The following SERPINA1 variants were observed in gnomAD, a reference collection of about 807,000 sequenced individuals.
The protein encoded by SERPINA1 is serpin family A member 1.
Under a neutral mutation model 25.4 loss-of-function variants are expected in SERPINA1, and 21 were observed. The ratio of observed to expected loss-of-function variants is 0.83; its 90% CI spans 0.59 to 1.19. The LOEUF is 1.19. Among genes scored for constraint, SERPINA1 ranks in the 50% most tolerant of loss-of-function variants. The pLI is 0.00. For synonymous variants in SERPINA1, 218 were observed against 211.1 expected (o/e 1.03, Z -0.29); for missense variants, 546 against 509.0 (o/e 1.07, Z -0.70).
At position 94,380,894 on chromosome 14, in the gene SERPINA1, C is replaced by A. The variant is rs957169128; in HGVS notation, c.894G>T (p.Lys298Asn). The change falls in exon 3 of 5, where the codon AAG becomes AAT. Residue 298 changes from lysine to asparagine, a missense_variant. Lys to Asn is a moderately conservative substitution (Grantham distance 94). Coordinates refer to ENST00000393087, the MANE Select transcript of SERPINA1 (RefSeq NM_000295.5). ...ACCTTCTGTCTTCATTTTCCAGGAACTTGGTGATGATATCGTGGGTGAGTT... is the reference window on the plus strand; with the variant it reads ...ACCTTCTGTCTTCATTTTCCAGGAAATTGGTGATGATATCGTGGGTGAGTT... ...ENELTHDIIT[K>N]FLENEDRRSA... 10 of 1,614,074 alleles carry A rather than the reference C, an allele frequency of 6.2e-6. No homozygotes were observed. The Admixed American group carries it at 8.3e-5, about 13-fold the overall frequency.
At chr14:94,388,133 C>T (rs1302813315) in intron 1 of SERPINA1, among the ~76,000 whole-genome samples, 2 of 152,072 alleles carry the variant, frequency 1.3e-5, no homozygotes, top group South Asian at 2.1e-4. Context: ...CATGCCCAAG[C>T]AGTAGGAGAG....
At position 94,383,090 on chromosome 14, in the gene SERPINA1, T is replaced by C. The variant is rs963967922; in HGVS notation, c.148A>G (p.Ile50Val). 2 of 1,613,998 alleles carry C rather than the reference T, an allele frequency of 1.2e-6. No homozygotes were observed. Among genetic ancestry groups the C allele is most frequent in the Non-Finnish European group, 1.7e-6 (2 of 1,180,004 alleles). ...GCGAACTCAGCCAGGTTGGGGGTGA[T>C]CTTGTTGAAGGTTGGGTGATCCTGA... Reference protein sequence around the residue: ...HDQDHPTFNKITPNLAEFAFS... With the variant: ...HDQDHPTFNKVTPNLAEFAFS... Residue 50 changes from isoleucine to valine, a missense_variant, in exon 2 of 5, where the codon ATC (isoleucine) becomes GTC (valine). Ile to Val is a conservative substitution (Grantham distance 29, BLOSUM62 3). Coordinates refer to ENST00000393087, the MANE Select transcript of SERPINA1 (RefSeq NM_000295.5).
intron 2 of SERPINA1, 44 bp from the exon 3 acceptor site, chr14:94,381,185 T>G: frequency 1.3e-6 from 2 of 1,592,586 alleles, no homozygotes; most frequent in African/African-American, 2.7e-5. Context: ...TGAGTGAAGG[T>G]TTGGAAGAGT....
upstream of SERPINA1, chr14:94,390,342 G>A (rs1265300858): frequency 2.0e-5 from 3 of 152,626 alleles, no homozygotes; most frequent in Non-Finnish European, 4.4e-5. Flanking sequence ...TAGCTCCTGG[G>A]CATTTCTTCC....
chr14:94,379,437 G>T, intron 4 of SERPINA1, 27 bp downstream of exon 4: 1 of 1,607,536 alleles, frequency 6.2e-7, no homozygotes, highest in South Asian at 1.1e-5. Flanking sequence ...ATACCAGGGT[G>T]CAACAAGGTC....
At chr14:94,381,827 T>A (rs1031640923) in intron 2 of SERPINA1, among the ~76,000 whole-genome samples, 3 of 152,222 alleles carry the variant, frequency 2.0e-5, no homozygotes, top group Non-Finnish European at 4.4e-5. Flanking sequence ...TGCTCTCCAC[T>A]GCCCTCCTTT....
At chr14:94,389,972 A>G (rs918493694), upstream of SERPINA1, 1 of 152,188 alleles carries the variant, frequency 6.6e-6, no homozygotes, top group Non-Finnish European at 1.5e-5. Context: ...GCAACAGTTC[A>G]AGGAAAGCTC....
Position 94,378,400 on chromosome 14 carries a change from C to G in SERPINA1, c.*49G>C, listed in dbSNP as rs1489252243. ...AGCTCAACCCTTCTTTAATGTCATC[C>G]AGGGAGGGGGCCAGGGATGGAGGGG... is the stretch of plus-strand genomic sequence containing the variant. On this transcript the variant is annotated 3_prime_UTR_variant, in exon 5 of 5. Coordinates refer to ENST00000393087, the MANE Select transcript of SERPINA1 (RefSeq NM_000295.5). 1 of 1,513,216 alleles carries G rather than the reference C, an allele frequency of 6.6e-7. No homozygotes were observed. The highest frequency in any genetic ancestry group is 1.4e-5 in the African/African-American group (1 of 72,948). The allele number at this position is 1,513,216 out of a possible 1,614,324, so 93.7% of individuals were successfully genotyped here.
chr14:94,379,538 C>G lies in SERPINA1; in HGVS notation c.991G>C (p.Gly331Arg), dbSNP rs569455355. The change falls in exon 4 of 5, where the codon GGC (glycine) becomes CGC (arginine). Residue 331 changes from glycine (G) to arginine (R), a missense_variant. Transcript: ENST00000393087. ...YDLKSVLGQL[G>R]ITKVFSNGAD... ...CCATTGCTGAAGACCTTAGTGATGC[C>G]CAGTTGACCCAGGACGCTCTTCAGA... The G allele has an allele frequency of 7.4e-6, 12 of 1,613,384 alleles. No homozygotes were observed. The South Asian group carries it at 1.3e-4, about 18-fold the overall frequency.
chr14:94,387,779 C>G (rs1390374441), intron 1 of SERPINA1, among the ~76,000 whole-genome samples: 2 of 152,168 alleles, frequency 1.3e-5, no homozygotes, highest in Non-Finnish European at 2.9e-5. Context: ...CTCTCTGTCC[C>G]CATCTTCCTC....
chr14:94,386,112 C>T lies in SERPINA1; in HGVS notation c.-5+2448G>A, dbSNP rs7159598. On this transcript the variant is annotated intron_variant, in intron 1 of 4. Transcript: ENST00000393087. ...CTCCAAAACCTGCTCTCTCCTGGCC[C>T]TTCTATCAGAGGCAGCACCCTGCAC... Among the ~76,000 whole-genome samples the T allele has an allele frequency of 3.8e-4, 58 of 152,326 alleles. 1 individual carries two copies. The highest frequency in any genetic ancestry group is 1.3e-3 in the African/African-American group (52 of 41,580).
intron 1 of SERPINA1, among the ~76,000 whole-genome samples, chr14:94,386,403 G>A (rs999076823): frequency 6.6e-6 from 1 of 152,186 alleles, no homozygotes; most frequent in Non-Finnish European, 1.5e-5. Flanking sequence ...GTGCAGGGAA[G>A]AGAATCTCGC....
At position 94,386,164 on chromosome 14, in the gene SERPINA1, G is replaced by T. The variant is rs544935697; in HGVS notation, c.-5+2396C>A. ...CCTAAAAGCTAGTGCCTGGGAGGGC[G>T]ACTGGAGAGGAGAAAGTCGCCATCT... On this transcript the variant is annotated intron_variant, in intron 1 of 4. Transcript: ENST00000393087. Among the ~76,000 whole-genome samples, 7 of 152,334 alleles carry T rather than the reference G, an allele frequency of 4.6e-5. No homozygotes were observed. The South Asian group carries it at 1.4e-3, about 32-fold the overall frequency.
At chr14:94,383,594 C>T (rs1481939976) in intron 1 of SERPINA1, 2 of 355,470 alleles carry the variant, frequency 5.6e-6, no homozygotes, top group South Asian at 3.9e-5. Flanking sequence ...CAGAATCCTA[C>T]ATCTAGGTCC....
chr14:94,378,562 T>A lies in SERPINA1; in HGVS notation c.1144A>T (p.Met382Leu), dbSNP rs917855405. 1.9e-6 allele frequency: 3 copies of A among 1,613,870 alleles called. No homozygotes were observed. The South Asian group carries it at 3.3e-5, about 18-fold the overall frequency. Reference sequence around the variant, plus strand: ...AACTTGACCTCGGGGGGGATAGACATGGGTATGGCCTCTAAAAACATGGCC... The same window carrying A: ...AACTTGACCTCGGGGGGGATAGACAAGGGTATGGCCTCTAAAAACATGGCC... Reference protein sequence around the residue: ...AGAMFLEAIPMSIPPEVKFNK... With the variant: ...AGAMFLEAIPLSIPPEVKFNK... Residue 382 changes from methionine to leucine, a missense_variant, in exon 5 of 5, where the codon ATG (methionine) becomes TTG (leucine). Physicochemically the swap from Met to Leu is conservative, Grantham distance 15. Transcript: ENST00000393087.
rs1897058574 is a variant in SERPINA1, at chr14:94,383,042, C to T, written c.196G>A (p.Ala66Thr). Reference protein sequence around the residue: ...EFAFSLYRQLAHQSNSTNIFF... With the variant: ...EFAFSLYRQLTHQSNSTNIFF... ...ATATTGGTGCTGTTGGACTGGTGTG[C>T]CAGCTGGCGGTATAGGCTGAAGGCG... The change falls in exon 2 of 5, where the codon GCA becomes ACA. Residue 66 changes from alanine to threonine, a missense_variant. Ala to Thr is a moderately conservative substitution (Grantham distance 58, BLOSUM62 0). Coordinates refer to ENST00000393087, the MANE Select transcript of SERPINA1 (RefSeq NM_000295.5). 6.2e-7 allele frequency: 1 copy of T among 1,612,866 alleles called. No homozygotes were observed. The highest frequency in any genetic ancestry group is 1.7e-5 in the Admixed American group (1 of 59,990).
intron 2 of SERPINA1, among the ~76,000 whole-genome samples, chr14:94,381,824 C>T (rs1395849743): frequency 5.9e-5 from 9 of 152,232 alleles, no homozygotes; most frequent in Admixed American, 5.2e-4. Flanking sequence ...GGCTGCTCTC[C>T]ACTGCCCTCC....
chr14:94,382,965 C>T lies in SERPINA1; in HGVS notation c.273G>A (p.Gly91=), dbSNP rs756260997. The change falls in exon 2 of 5, where the codon GGG becomes GGA. Residue 91 remains glycine, a synonymous_variant. Coordinates refer to ENST00000393087, the MANE Select transcript of SERPINA1 (RefSeq NM_000295.5). ...TTTCATCGTGAGTGTCAGCCTTGGT[C>T]CCCAGGGAGAGCATTGCAAAGGCTG... ...IATAFAMLSL[G]TKADTHDEIL... The T allele has an allele frequency of 1.9e-6, 3 of 1,608,112 alleles. No homozygotes were observed. Among genetic ancestry groups the T allele is most frequent in the African/African-American group, 1.3e-5 (1 of 74,870 alleles).
intron 1 of SERPINA1, among the ~76,000 whole-genome samples, chr14:94,388,255 C>T (rs1003331632): frequency 6.6e-5 from 10 of 152,094 alleles, no homozygotes; most frequent in African/African-American, 2.4e-4. Context: ...TGGCTGGTGT[C>T]CCCCATCCTG....
Sources: gnomAD v4.1 joint callset for allele counts (sites outside exome capture counted in the v4.1 genomes callset) on GRCh38, gnomAD v4.1.1 for gene constraint, MANE v1.5 for transcripts, NCBI Gene and HGNC (gene_info 2026-07-23, HGNC 2026-07-21) for gene names.